SLC2A11: variants seen among roughly 807,000 people sequenced by gnomAD.
SLC2A11 encodes the protein solute carrier family 2 member 11.
Under a neutral mutation model 52.1 loss-of-function variants are expected in SLC2A11, and 43 were observed. That is an observed-to-expected ratio of 0.82 (90% CI 0.65 to 1.06). SLC2A11 has a LOEUF of 1.06. Ranked by LOEUF, SLC2A11 falls within the 50% of genes least tolerant of loss-of-function variation. The pLI is 0.00. For synonymous variants in SLC2A11, 261 were observed against 277.6 expected (o/e 0.94, Z 0.59); for missense variants, 582 against 654.2 (o/e 0.89, Z 1.20).
chr22:23,883,133 G>A (rs1202983310), intron 8 of SLC2A11: 2 of 489,080 alleles, frequency 4.1e-6, no homozygotes, highest in Non-Finnish European at 7.6e-6. Flanking sequence ...GTGGTGGCGG[G>A]CGCCTGTAAT....
At chr22:23,862,716 C>G (rs990991505) in intron 2 of SLC2A11, among the ~76,000 whole-genome samples, 1 of 152,146 alleles carries the variant, frequency 6.6e-6, no homozygotes, top group Non-Finnish European at 1.5e-5. Flanking sequence ...CTCCGCCTAC[C>G]AGGTTCAAGC....
At chr22:23,877,507 G>A in intron 5 of SLC2A11, 1 of 774,550 alleles carries the variant, frequency 1.3e-6, no homozygotes, top group South Asian at 1.5e-5. Context: ...CTTGGGAAGA[G>A]GAGTTGCTAG....
intron 1 of SLC2A11, among the ~76,000 whole-genome samples, chr22:23,861,254 A>G (rs1208456147): frequency 8.7e-6 from 1 of 114,328 alleles, no homozygotes; most frequent in Non-Finnish European, 1.9e-5. Flanking sequence ...CTGGGATTAC[A>G]GGTGTGAGCC....
Position 23,858,048 on chromosome 22 carries a change from GC to G in SLC2A11, c.30+22del. On this transcript the variant is annotated intron_variant, in intron 1 of 11. Transcript: ENST00000316185. Reference sequence around the variant, plus strand: ...TAGAATGGTATGAATTCTCATACTTGCCCAGACCAGGCGTTTCAGATGAGGG... The same window carrying G: ...TAGAATGGTATGAATTCTCATACTTGCCAGACCAGGCGTTTCAGATGAGGG... 1 of 1,554,694 alleles carries G rather than the reference GC, an allele frequency of 6.4e-7. No homozygotes were observed.
At chr22:23,858,267 C>G (rs1396791724) in intron 1 of SLC2A11, 1 of 676,654 alleles carries the variant, frequency 1.5e-6, no homozygotes, top group Non-Finnish European at 2.7e-6. Context: ...ATCCCAGCCC[C>G]CAGAGATGCT....
chr22:23,883,950 GCTC>G lies in SLC2A11; in HGVS notation c.1100_1102del (p.Ser367del), dbSNP rs771231816. ...TCACCCCCGCCCCGTCCACGGCAGA[GCTC>G]CTTCCCCTGGACACTCTACCTGGCC... On this transcript the variant is annotated inframe_deletion and splice_region_variant, in exon 10 of 12. Transcript: ENST00000316185. 1.2e-6 allele frequency: 2 copies of G among 1,612,488 alleles called. No individual in the cohort carries two copies. The highest frequency in any genetic ancestry group is 2.2e-5 in the South Asian group (2 of 90,940).
intron 1 of SLC2A11, 81 bp from the exon 2 acceptor site, chr22:23,862,023 A>T: frequency 8.9e-7 from 1 of 1,127,168 alleles, no homozygotes; most frequent in African/African-American, 1.5e-5. Flanking sequence ...AATAAATTGC[A>T]ATGCTGTGAT....
chr22:23,874,744 G>A (rs761636393), intron 3 of SLC2A11, among the ~76,000 whole-genome samples: 38 of 151,964 alleles, frequency 2.5e-4, no homozygotes, highest in African/African-American at 4.6e-4. Context: ...GAGCCACCGC[G>A]CCCAGCCTAA....
chr22:23,884,631 G>T lies in SLC2A11; in HGVS notation c.1300-18G>T. On this transcript the variant is annotated intron_variant, in intron 11 of 11. Transcript: ENST00000316185. The surrounding 1 kb of genome is among the most constrained non-coding windows in gnomAD (Gnocchi z 4.3). ...TGATGGAGACACACCAGGTCTTGGG[G>T]TCTTTTTTAATCCGCAGGAGGCCTT... 1 of 1,607,184 alleles carries T rather than the reference G, an allele frequency of 6.2e-7. No homozygotes were observed. Among genetic ancestry groups the T allele is most frequent in the Non-Finnish European group, 8.5e-7 (1 of 1,176,534 alleles).
chr22:23,863,622 T>TTTTG (rs2032156695), intron 2 of SLC2A11, among the ~76,000 whole-genome samples: 1 of 142,512 alleles, frequency 7.0e-6, no homozygotes, highest in Non-Finnish European at 1.5e-5. Context: ...TTTTTTTTTT[T>TTTTG]TTTTTTTTTT....
chr22:23,869,450 T>G (rs2146118870), intron 3 of SLC2A11: 1 of 153,026 alleles, frequency 6.5e-6, no homozygotes, highest in East Asian at 1.9e-4. Context: ...ATCATACCAC[T>G]GCACTCCAGC....
Position 23,868,542 on chromosome 22 carries a change from A to G in SLC2A11, c.191A>G (p.His64Arg), listed in dbSNP as rs1031392556. The change falls in exon 3 of 12, where the codon CAC becomes CGC. Residue 64 changes from histidine to arginine, a missense_variant. Coordinates refer to ENST00000316185, the MANE Select transcript of SLC2A11 (RefSeq NM_001024939.4). ...CGTACTGGAGAGCCACTGCCCGATC[A>G]CCTAGTCCTGCTTATGTGGTCCCTC... ...QARTGEPLPD[H>R]LVLLMWSLIV... 1.9e-6 allele frequency: 3 copies of G among 1,614,168 alleles called. No homozygotes were observed. The highest frequency in any genetic ancestry group is 3.3e-5 in the Admixed American group (2 of 60,010).
intron 2 of SLC2A11, chr22:23,867,491 C>T: frequency 3.1e-6 from 1 of 324,392 alleles, no homozygotes; most frequent in Non-Finnish European, 6.2e-6. Context: ...AGCCACCGTG[C>T]CTGGCCACGG....
At chr22:23,874,313 G>A (rs546228014) in intron 3 of SLC2A11, among the ~76,000 whole-genome samples, 2 of 152,272 alleles carry the variant, frequency 1.3e-5, no homozygotes, top group Admixed American at 1.3e-4. Context: ...TTGAGACAGG[G>A]TCTCACTCTG....
At chr22:23,857,129 C>T (rs538167148), upstream of SLC2A11, 8 of 1,231,858 alleles carry the variant, frequency 6.5e-6, no homozygotes, top group South Asian at 1.1e-4. Flanking sequence ...AAGGGCTTGG[C>T]CCTCCGGAGA....
In SLC2A11 at chr22:23,863,676, G is replaced by A. The variant is rs182071352; in HGVS notation, c.129+1474G>A. On this transcript the variant is annotated intron_variant, in intron 2 of 11. Coordinates refer to ENST00000316185, the MANE Select transcript of SLC2A11 (RefSeq NM_001024939.4). Reference sequence around the variant, plus strand: ...CTCTCACCCAGGCTGGAGTGCAGTGGTGCAATTTCGGTTCACTGCAACCTC... The same window carrying A: ...CTCTCACCCAGGCTGGAGTGCAGTGATGCAATTTCGGTTCACTGCAACCTC... 9.6e-3 allele frequency among the ~76,000 whole-genome samples: 1,370 copies of A among 143,010 alleles called. 13 individuals are homozygous for A. Among genetic ancestry groups the A allele is most frequent in the African/African-American group, 0.029 (1,128 of 38,860 alleles). 93.8% of individuals were successfully genotyped at this position (143,010 alleles called of 152,430 possible).
At chr22:23,872,647 G>A (rs149419705) in intron 3 of SLC2A11, 126 of 152,326 alleles carry the variant, frequency 8.3e-4, no homozygotes, top group African/African-American at 2.9e-3. Context: ...CCTGATAAAT[G>A]TGCCAGGTCA....
Position 23,877,750 on chromosome 22 carries a change from C to G in SLC2A11, c.575C>G (p.Pro192Arg), listed in dbSNP as rs1348452134. 3.7e-6 allele frequency: 6 copies of G among 1,604,060 alleles called. No homozygotes were observed. The highest frequency in any genetic ancestry group is 5.1e-6 in the Non-Finnish European group (6 of 1,175,668). The change falls in exon 6 of 12, where the codon CCC becomes CGC. Residue 192 changes from proline to arginine, a missense_variant. Physicochemically the swap from Pro to Arg is moderately radical, Grantham distance 103. Coordinates refer to ENST00000316185, the MANE Select transcript of SLC2A11 (RefSeq NM_001024939.4). The stretch of plus-strand genomic sequence containing the variant: ...CTCCTAGGTGGCCCTCAGGCCTGGC[C>G]CCTGCTGCTGGCCAGCTGCCTGGTG... ...RELLGGPQAW[P>R]LLLASCLVPG...
chr22:23,870,290 A>G, intron 3 of SLC2A11: 1 of 516,786 alleles, frequency 1.9e-6, no homozygotes, highest in Non-Finnish European at 3.4e-6. Flanking sequence ...TTTAGCATGT[A>G]TGCCTATTGT....
Sources: allele counts gnomAD v4.1 joint callset (sites outside exome capture counted in the v4.1 genomes callset), GRCh38; gene constraint gnomAD v4.1.1; non-coding constraint Gnocchi (gnomAD v3.1); transcripts MANE v1.5; gene names NCBI Gene and HGNC (gene_info 2026-07-23, HGNC 2026-07-21).